Variants in HEXA observed in about 807,000 individuals in gnomAD.
HEXA encodes beta-hexosaminidase subunit alpha.
In HEXA, 54 loss-of-function variants were observed where a neutral mutation model predicts 73.3. That is an observed-to-expected ratio of 0.74 (90% CI 0.59 to 0.92). HEXA has a LOEUF of 0.92. HEXA is among the 40% of genes least tolerant of loss of function. The pLI is 0.00. For synonymous variants in HEXA, 230 were observed against 246.9 expected (o/e 0.93, Z 0.64); for missense variants, 649 against 653.0 (o/e 0.99, Z 0.07).
chr15:72,375,631 C>T (rs2089053127), intron 1 of HEXA, 89 bp downstream of exon 1: 13 of 1,482,608 alleles, frequency 8.8e-6, no homozygotes, highest in Non-Finnish European at 1.2e-5. Context: ...TGGACAAAAG[C>T]CCATAGGGCG....
chr15:72,372,598 T>A (rs1276654678), intron 1 of HEXA, among the ~76,000 whole-genome samples: 1 of 152,150 alleles, frequency 6.6e-6, no homozygotes, highest in Non-Finnish European at 1.5e-5. Context: ...AATAAGTCTA[T>A]TTAACAGGTT....
intron 1 of HEXA, among the ~76,000 whole-genome samples, chr15:72,366,111 T>G (rs1273360680): frequency 2.0e-5 from 3 of 152,112 alleles, no homozygotes; most frequent in Non-Finnish European, 4.4e-5. Context: ...CACACACCAC[T>G]TCCCCTACAA....
rs972146063 is a variant in HEXA at position 72,367,780 on chromosome 15, T to C, written c.253+7940A>G. ...GAATATGGCATGAAGGCTTCTCGCC[T>C]GTAGGCCTTTTCCACGCGCAGTTCT... On this transcript the variant is annotated intron_variant, in intron 1 of 13. Coordinates refer to ENST00000268097, the MANE Select transcript of HEXA (RefSeq NM_000520.6). Among the ~76,000 whole-genome samples the C allele has an allele frequency of 3.9e-5, 6 of 152,354 alleles. No individual in the cohort carries two copies. The East Asian group carries it at 1.2e-3, about 29-fold the overall frequency.
In HEXA at chr15:72,353,667, C is replaced by G. The variant is rs377234974; in HGVS notation, c.459+24G>C. On this transcript the variant is annotated intron_variant, in intron 4 of 13. Coordinates refer to ENST00000268097, the MANE Select transcript of HEXA (RefSeq NM_000520.6). Reference sequence around the variant, plus strand: ...TCCAACCCCAGAGATGAAAAAGGAGCCCTTTTTGAGGGTCCACACTTACTG... The same window carrying G: ...TCCAACCCCAGAGATGAAAAAGGAGGCCTTTTTGAGGGTCCACACTTACTG... 49 of 1,585,964 alleles carry G rather than the reference C, an allele frequency of 3.1e-5. No homozygotes were observed. Among genetic ancestry groups the G allele is most frequent in the Non-Finnish European group, 4.1e-5 (47 of 1,154,354 alleles).
At position 72,342,598 on chromosome 15, in the gene HEXA, G is replaced by A. The variant is rs1454283829; in HGVS notation, c.*1479C>T. On this transcript the variant is annotated 3_prime_UTR_variant, in exon 14 of 14. Coordinates refer to ENST00000268097, the MANE Select transcript of HEXA (RefSeq NM_000520.6). Reference sequence around the variant, plus strand: ...ATCTGAAACCAGGAGGGGGCAGTCTGGGTCCACGACGAGACATTTCCTTCT... The same window carrying A: ...ATCTGAAACCAGGAGGGGGCAGTCTAGGTCCACGACGAGACATTTCCTTCT... The A allele has an allele frequency of 1.3e-5, 2 of 152,214 alleles. No individual in the cohort carries two copies. Among genetic ancestry groups the A allele is most frequent in the Non-Finnish European group, 2.9e-5 (2 of 68,080 alleles). The allele number at this position is 152,214 out of a possible 1,614,324, so 9.4% of individuals were successfully genotyped here.
chr15:72,361,992 C>T (rs1567302826), intron 1 of HEXA, among the ~76,000 whole-genome samples: 1 of 152,182 alleles, frequency 6.6e-6, no homozygotes, highest in Non-Finnish European at 1.5e-5. Flanking sequence ...TGACAGTCTC[C>T]GCTTAAAATC....
intron 1 of HEXA, among the ~76,000 whole-genome samples, chr15:72,362,674 A>G (rs1374187311): frequency 1.3e-5 from 2 of 152,076 alleles, no homozygotes; most frequent in Non-Finnish European, 2.9e-5. Context: ...TGCTCTGAAG[A>G]CCTCTGGATC....
At position 72,347,775 on chromosome 15, in the gene HEXA, T is replaced by A; in HGVS notation, c.1074-17A>T. On this transcript the variant is annotated splice_polypyrimidine_tract_variant and intron_variant, in intron 9 of 13. Transcript: ENST00000268097. ...TCCAGCAGCCTGGAGAGGAGAGGAGTGTCTAGTAAGTGTCTGCTTAGCTCA... is the reference window on the plus strand; with the variant it reads ...TCCAGCAGCCTGGAGAGGAGAGGAGAGTCTAGTAAGTGTCTGCTTAGCTCA... The A allele has an allele frequency of 6.2e-7, 1 of 1,611,628 alleles. No homozygotes were observed. Among genetic ancestry groups the A allele is most frequent in the Non-Finnish European group, 8.5e-7 (1 of 1,177,940 alleles).
intron 13 of HEXA, among the ~76,000 whole-genome samples, chr15:72,344,622 C>T (rs1223666368): frequency 6.6e-6 from 1 of 152,090 alleles, no homozygotes; most frequent in East Asian, 1.9e-4. Flanking sequence ...ATAACCTGAC[C>T]AATCTCCTTA....
chr15:72,349,458 C>T (rs990685007), intron 7 of HEXA, among the ~76,000 whole-genome samples, 199 bp from the exon 8 acceptor site: 1 of 152,226 alleles, frequency 6.6e-6, no homozygotes, highest in African/African-American at 2.4e-5. Context: ...ACAAATATAT[C>T]CACAATCATA....
chr15:72,375,809 T>A lies in HEXA; in HGVS notation c.164A>T (p.Gln55Leu). Residue 55 changes from glutamine (Q) to leucine (L), a missense_variant, in exon 1 of 14, where the codon CAG (glutamine) becomes CTG (leucine). Coordinates refer to ENST00000268097, the MANE Select transcript of HEXA (RefSeq NM_000520.6). ...QFQYDVSSAAQPGCSVLDEAF... is the reference protein window; with the variant it reads ...QFQYDVSSAALPGCSVLDEAF... ...CTCGTCGAGGACTGAGCAGCCGGGC[T>A]GCGCGGCCGAGCTGACATCGTACTG... is the stretch of plus-strand genomic sequence containing the variant. 1 of 1,614,260 alleles carries A rather than the reference T, an allele frequency of 6.2e-7. No individual in the cohort carries two copies. The highest frequency in any genetic ancestry group is 1.1e-5 in the South Asian group (1 of 91,088).
chr15:72,346,788 G>A, intron 10 of HEXA, 78 bp from the exon 11 acceptor site: 1 of 1,319,692 alleles, frequency 7.6e-7, no homozygotes, highest in Non-Finnish European at 1.1e-6. Context: ...CAGGCAACAT[G>A]GGACAACAGG....
rs557413297 is a variant in HEXA, at chr15:72,355,016, G to C, written c.412+543C>G. The C allele has an allele frequency of 3.8e-5, 6 of 159,866 alleles. No individual in the cohort carries two copies. The South Asian group carries it at 1.0e-3, about 28-fold the overall frequency. 9.9% of individuals were successfully genotyped at this position (159,866 alleles called of 1,614,324 possible). ...CTTTCCAATTACATGTCTTTAGCAA[G>C]AGCTGGACAGACAGTGTCTGTGGTA... On this transcript the variant is annotated intron_variant, in intron 3 of 13. Coordinates refer to ENST00000268097, the MANE Select transcript of HEXA (RefSeq NM_000520.6).
At chr15:72,374,569 G>A (rs1342916668) in intron 1 of HEXA, among the ~76,000 whole-genome samples, 7 of 152,000 alleles carry the variant, frequency 4.6e-5, no homozygotes, top group Non-Finnish European at 8.8e-5. Context: ...AGACTTAACC[G>A]TAAATGTGGC....
At position 72,343,546 on chromosome 15, in the gene HEXA, TG is replaced by T. The variant is rs1191032470; in HGVS notation, c.*530del. The T allele has an allele frequency of 6.2e-6, 1 of 160,784 alleles. No homozygotes were observed. The highest frequency in any genetic ancestry group is 1.4e-5 in the Non-Finnish European group (1 of 72,160). 10.0% of individuals were successfully genotyped at this position (160,784 alleles called of 1,614,324 possible). ...GGGGAGGGAGGTGGATGAGTATGCA[TG>T]GGGGAGAGGCTCTTCTGTGACCAGG... On this transcript the variant is annotated 3_prime_UTR_variant, in exon 14 of 14. Transcript: ENST00000268097.
Position 72,341,177 on chromosome 15 carries a change from T to A in HEXA, c.*2900A>T, listed in dbSNP as rs1280663658. The A allele has an allele frequency of 3.0e-4, 46 of 152,102 alleles. No individual in the cohort carries two copies. The highest frequency in any genetic ancestry group is 5.9e-5 in the Non-Finnish European group (4 of 68,026). The allele number at this position is 152,102 out of a possible 1,614,324, so 9.4% of individuals were successfully genotyped here. On this transcript the variant is annotated 3_prime_UTR_variant, in exon 14 of 14. Transcript: ENST00000268097. ...TAATACTAAATAAATTCCACCTACA[T>A]CCTTTCTTTCACCCTTTCCCAGTAT...
At position 72,350,573 on chromosome 15, in the gene HEXA, AC is replaced by A. The variant is rs1190309903; in HGVS notation, c.749del (p.Gly250ValfsTer25). 3 of 1,613,872 alleles carry A rather than the reference AC, an allele frequency of 1.9e-6. No homozygotes were observed. The highest frequency in any genetic ancestry group is 2.7e-5 in the African/African-American group (2 of 74,876). ...KEVIEYARLR[G>X]IRVLAEFDTP... is the part of the protein sequence containing the mutation. ...TGTCAAACTCTGCAAGCACACGGAT[AC>A]CCCGGAGCCGTGCGTATTCAATGAC... On this transcript the variant is annotated frameshift_variant, in exon 7 of 14. Transcript: ENST00000268097. LOFTEE classifies it high-confidence loss of function.
intron 1 of HEXA, among the ~76,000 whole-genome samples, chr15:72,367,819 A>ACTATCTT (rs1318384494): frequency 5.9e-5 from 9 of 152,184 alleles, no homozygotes; most frequent in Non-Finnish European, 1.0e-4. Context: ...TATGCGGAAT[A>ACTATCTT]CTATCTTCAC....
chr15:72,349,209 T>C lies in HEXA; in HGVS notation c.856A>G (p.Thr286Ala). 1.2e-6 allele frequency: 2 copies of C among 1,614,006 alleles called. No individual in the cohort carries two copies. Among genetic ancestry groups the C allele is most frequent in the Non-Finnish European group, 1.7e-6 (2 of 1,179,922 alleles). Residue 286 changes from threonine to alanine, a missense_variant, in exon 8 of 14, where the codon ACC becomes GCC. Physicochemically the swap from Thr to Ala is moderately conservative, Grantham distance 58. Transcript: ENST00000268097. Reference sequence around the variant, plus strand: ...AGACTGGGATTCACTGGTCCAAAGGTGCCAGAGGGCTCAGACCCAGAGTAG... The same window carrying C: ...AGACTGGGATTCACTGGTCCAAAGGCGCCAGAGGGCTCAGACCCAGAGTAG... ...PCYSGSEPSGTFGPVNPSLNN... is the reference protein window; with the variant it reads ...PCYSGSEPSGAFGPVNPSLNN...
Sources: allele counts gnomAD v4.1 joint callset (sites outside exome capture counted in the v4.1 genomes callset), GRCh38; gene constraint gnomAD v4.1.1; transcripts MANE v1.5; gene names NCBI Gene and HGNC (gene_info 2026-07-23, HGNC 2026-07-21).